RASAL1: variants seen among roughly 807,000 people sequenced by gnomAD.
RASAL1 encodes rasGAP-activating-like protein 1.
Under a neutral mutation model 96.6 loss-of-function variants are expected in RASAL1, and 72 were observed. That is an observed-to-expected ratio of 0.75 (90% CI 0.62 to 0.91). The LOEUF (loss-of-function observed/expected upper bound fraction) is 0.91. RASAL1 is among the 40% of genes least tolerant of loss of function. The pLI is 0.00. For missense variants in RASAL1, 1,016 were observed against 1,072.5 expected, an observed-to-expected ratio of 0.95 and a Z score of 0.74; for synonymous variants, 405 against 430.4, an observed-to-expected ratio of 0.94 and a Z score of 0.73.
intron 4 of RASAL1, among the ~76,000 whole-genome samples, chr12:113,127,133 CCTGCCT>C (rs1056891679): frequency 6.6e-6 from 1 of 151,840 alleles, no homozygotes; most frequent in African/African-American, 2.4e-5. Context: ...AAGCGATCCT[CCTGCCT>C]CTGCCTCTGC....
intron 2 of RASAL1, among the ~76,000 whole-genome samples, chr12:113,128,463 G>C (rs1027126339): frequency 6.7e-6 from 1 of 149,030 alleles, no homozygotes; most frequent in Non-Finnish European, 1.5e-5. Flanking sequence ...CACATACCCA[G>C]AGTATCAGAC....
rs575059462 is a variant in RASAL1, at chr12:113,135,175, G to T, written c.65+223C>A. Among the ~76,000 whole-genome samples the T allele has an allele frequency of 9.3e-4, 142 of 152,146 alleles. No individual in the cohort carries two copies. The Middle Eastern group carries it at 0.01, about 11-fold the overall frequency. The stretch of plus-strand genomic sequence containing the variant: ...ACAAAGACACCCCCTCCCCTGCCCG[G>T]GGGTGAGGCGGGGCATCTGCTAACT... On this transcript the variant is annotated intron_variant, in intron 1 of 20. Transcript: ENST00000548055. The surrounding 1 kb of genome is among the most constrained non-coding windows in gnomAD (Gnocchi z 5.7).
intron 4 of RASAL1, among the ~76,000 whole-genome samples, chr12:113,123,724 C>CA (rs1157036528): frequency 1.3e-5 from 2 of 152,178 alleles, no homozygotes; most frequent in Non-Finnish European, 2.9e-5. Flanking sequence ...GCAAGGATTA[C>CA]AGGCACCTGC....
At chr12:113,128,738 T>G (rs1387990333) in intron 2 of RASAL1, among the ~76,000 whole-genome samples, 1 of 151,982 alleles carries the variant, frequency 6.6e-6, no homozygotes. Context: ...GATACACATA[T>G]GCACCCTCAG....
At chr12:113,131,677 A>G (rs1306888783) in intron 1 of RASAL1, among the ~76,000 whole-genome samples, 1 of 152,132 alleles carries the variant, frequency 6.6e-6, no homozygotes, top group Non-Finnish European at 1.5e-5. Context: ...CCCCTTCATA[A>G]TAACAGTCAC....
chr12:113,126,688 T>TCTCA (rs372157451), intron 4 of RASAL1, among the ~76,000 whole-genome samples: 177 of 139,006 alleles, frequency 1.3e-3, no homozygotes, highest in African/African-American at 4.2e-3. Context: ...TCTCTCTCTC[T>TCTCA]CACACACACA....
rs118061364 is a variant in RASAL1, at chr12:113,112,866, C to T, written c.1182-588G>A. ...ACTTGGGATGCTGAGGCAGGAGAATCGCTTCAATATGGGAAGTGGAGGTTG... is the reference window on the plus strand; with the variant it reads ...ACTTGGGATGCTGAGGCAGGAGAATTGCTTCAATATGGGAAGTGGAGGTTG... On this transcript the variant is annotated intron_variant, in intron 12 of 20. Transcript: ENST00000548055. 9.4e-3 allele frequency among the ~76,000 whole-genome samples: 1,426 copies of T among 152,216 alleles called. 9 individuals carry two copies. Among genetic ancestry groups the T allele is most frequent in the Middle Eastern group, 0.02 (6 of 294 alleles).
At position 113,115,684 on chromosome 12, in the gene RASAL1, C is replaced by T. The variant is rs137930457; in HGVS notation, c.954G>A (p.Leu318=). The T allele has an allele frequency of 5.6e-6, 9 of 1,613,916 alleles. No homozygotes were observed. Among genetic ancestry groups the T allele is most frequent in the Admixed American group, 5.0e-5 (3 of 59,996 alleles). The change falls in exon 10 of 21, where the codon CTG becomes CTA. Residue 318 remains leucine, a synonymous_variant. Coordinates refer to ENST00000548055, the MANE Select transcript of RASAL1 (RefSeq NM_001301202.2). The surrounding 1 kb of genome is among the most constrained non-coding windows in gnomAD (Gnocchi z 4.1). ...TGAGATAGTCCAGAAAGCGCCCAGC[C>T]AGTCCCCGGCCAAGAAAGAGTTTCA... The part of the protein sequence containing the change: ...KLVKLFLGRG[L]AGRFLDYLTR...
Position 113,119,114 on chromosome 12 carries a change from G to A in RASAL1, c.642+14C>T. The A allele has an allele frequency of 6.3e-7, 1 of 1,591,344 alleles. No individual in the cohort carries two copies. Among genetic ancestry groups the A allele is most frequent in the Non-Finnish European group, 8.6e-7 (1 of 1,166,350 alleles). ...TGGGGAGCCATGGAGGGTATTGTAG[G>A]GAATGAGGCTCACCATGCCCAAGAA... On this transcript the variant is annotated intron_variant, in intron 7 of 20. Transcript: ENST00000548055.
At chr12:113,110,326 C>T (rs1480544770) in intron 13 of RASAL1, among the ~76,000 whole-genome samples, 1 of 152,196 alleles carries the variant, frequency 6.6e-6, no homozygotes, top group Non-Finnish European at 1.5e-5. Flanking sequence ...AGAGATGTGG[C>T]ATAAATCAAA....
chr12:113,125,012 G>A (rs567017223), intron 4 of RASAL1, among the ~76,000 whole-genome samples: 26 of 151,626 alleles, frequency 1.7e-4, no homozygotes, highest in Middle Eastern at 3.4e-3. Flanking sequence ...CTGTAATCCC[G>A]GCACCTTGTG....
At chr12:113,107,636 AT>A (rs1299817556) in intron 14 of RASAL1, 5 of 404,882 alleles carry the variant, frequency 1.2e-5, no homozygotes, top group Non-Finnish European at 2.4e-5. Context: ...AAAAAAATAA[AT>A]CAATAAGAAG....
chr12:113,115,271 G>A lies in RASAL1; in HGVS notation c.1004-7C>T. On this transcript the variant is annotated splice_region_variant and splice_polypyrimidine_tract_variant and intron_variant, in intron 10 of 20. Transcript: ENST00000548055. This position sits in a 1 kb window ranked among gnomAD's most constrained non-coding sequence, Gnocchi z 4.1. Reference sequence around the variant, plus strand: ...AAGAGGGTGTTGGGGTCCACTGGGAGGACAGGAGGAAGTGTTTGCTGGGAT... The same window carrying A: ...AAGAGGGTGTTGGGGTCCACTGGGAAGACAGGAGGAAGTGTTTGCTGGGAT... The A allele has an allele frequency of 6.2e-7, 1 of 1,611,928 alleles. No individual in the cohort carries two copies. The highest frequency in any genetic ancestry group is 8.5e-7 in the Non-Finnish European group (1 of 1,178,038).
chr12:113,135,402 C>T lies in RASAL1; in HGVS notation c.61G>A (p.Asp21Asn), dbSNP rs1951876582. 1 of 1,609,030 alleles carries T rather than the reference C, an allele frequency of 6.2e-7. No individual in the cohort carries two copies. The highest frequency in any genetic ancestry group is 1.1e-5 in the South Asian group (1 of 90,180). Reference sequence around the variant, plus strand: ...AAGCGCCCGAGGAGTACTCACACGTCCTTGGCAGGCAGCGCGCGGCCCTCC... The same window carrying T: ...AAGCGCCCGAGGAGTACTCACACGTTCTTGGCAGGCAGCGCGCGGCCCTCC... Reference protein sequence around the residue: ...VVEGRALPAKDVSGSSDPYCL... With the variant: ...VVEGRALPAKNVSGSSDPYCL... The change falls in exon 1 of 21, where the codon GAC (aspartate) becomes AAC (asparagine). Residue 21 changes from aspartate (D) to asparagine (N), a missense_variant. Physicochemically the swap from Asp to Asn is conservative, Grantham distance 23. Transcript: ENST00000548055. This position sits in a 1 kb window ranked among gnomAD's most constrained non-coding sequence, Gnocchi z 5.7.
At chr12:113,135,869 G>C (rs1951897667), upstream of RASAL1, 1 of 183,862 alleles carries the variant, frequency 5.4e-6, no homozygotes, top group East Asian at 1.6e-4. This position sits in a 1 kb window ranked among gnomAD's most constrained non-coding sequence, Gnocchi z 5.7. Context: ...CGGCACCCCA[G>C]TCATGCGCGC....
chr12:113,105,663 A>G (rs1349247901), intron 16 of RASAL1, 51 bp downstream of exon 16: 3 of 1,520,236 alleles, frequency 2.0e-6, no homozygotes, highest in Non-Finnish European at 2.7e-6. Flanking sequence ...GAGGCAGCAC[A>G]CTGAAAAAGG....
chr12:113,100,252 A>G (rs1381861778), intron 20 of RASAL1, among the ~76,000 whole-genome samples, 184 bp from the exon 21 acceptor site: 2 of 152,224 alleles, frequency 1.3e-5, no homozygotes, highest in African/African-American at 4.8e-5. Flanking sequence ...CACAGGAGAC[A>G]GTGGGGAAGT....
chr12:113,133,682 C>T (rs1292952593), intron 1 of RASAL1, among the ~76,000 whole-genome samples: 1 of 152,186 alleles, frequency 6.6e-6, no homozygotes, highest in East Asian at 1.9e-4. Flanking sequence ...TGGCATGGAG[C>T]TCCCAGCAGC....
Position 113,115,292 on chromosome 12 carries a change from G to A in RASAL1, c.1004-28C>T. 6.3e-7 allele frequency: 1 copy of A among 1,595,954 alleles called. No homozygotes were observed. On this transcript the variant is annotated intron_variant, in intron 10 of 20. Coordinates refer to ENST00000548055, the MANE Select transcript of RASAL1 (RefSeq NM_001301202.2). This position sits in a 1 kb window ranked among gnomAD's most constrained non-coding sequence, Gnocchi z 4.1. Reference sequence around the variant, plus strand: ...GGGAGGACAGGAGGAAGTGTTTGCTGGGATTTAGGGAGCTGAACCCAGCTC... The same window carrying A: ...GGGAGGACAGGAGGAAGTGTTTGCTAGGATTTAGGGAGCTGAACCCAGCTC...
Sources: gnomAD v4.1 joint callset for allele counts (sites outside exome capture counted in the v4.1 genomes callset) on GRCh38, gnomAD v4.1.1 for gene constraint, Gnocchi (gnomAD v3.1) non-coding constraint, MANE v1.5 for transcripts, NCBI Gene and HGNC (gene_info 2026-07-23, HGNC 2026-07-21) for gene names.